TBC1D5: variants seen among roughly 807,000 people sequenced by gnomAD.
The protein encoded by TBC1D5 is TBC1 domain family member 5, also known as TBC1 domain family, member 5.
Under a neutral mutation model 100.3 loss-of-function variants are expected in TBC1D5, and 75 were observed. The observed-to-expected ratio is 0.75, with a 90% CI of 0.62 to 0.91. The LOEUF is 0.91. Among genes scored for constraint, TBC1D5 ranks in the 40% least tolerant of loss-of-function variants. TBC1D5 has a pLI of 0.00. For missense variants in TBC1D5, 910 were observed against 942.4 expected, an observed-to-expected ratio of 0.97 and a Z score of 0.45; for synonymous variants, 323 against 325.6, an observed-to-expected ratio of 0.99 and a Z score of 0.09.
chr3:17,295,901 T>C (rs751766341), intron 14 of TBC1D5, among the ~76,000 whole-genome samples: 5 of 152,146 alleles, frequency 3.3e-5, no homozygotes, highest in Non-Finnish European at 5.9e-5. Context: ...AGCATTATCA[T>C]TGACTCTCTA....
intron 1 of TBC1D5, among the ~76,000 whole-genome samples, chr3:17,635,462 CGT>C: frequency 6.6e-6 from 1 of 152,130 alleles, no homozygotes; most frequent in African/African-American, 2.4e-5. Context: ...AGGTGGATCA[CGT>C]GAGGTCAGGG....
chr3:17,196,654 C>T lies in TBC1D5; in HGVS notation c.1753-11446G>A, dbSNP rs560177153. Among the ~76,000 whole-genome samples, 13 of 152,238 alleles carry T rather than the reference C, an allele frequency of 8.5e-5. No individual in the cohort carries two copies. The South Asian group carries it at 2.7e-3, about 32-fold the overall frequency. ...ACATACACGATGCACACGTTGGTGTCGTGAAATACTTTGGGTATATGTTGA... is the reference window on the plus strand; with the variant it reads ...ACATACACGATGCACACGTTGGTGTTGTGAAATACTTTGGGTATATGTTGA... On this transcript the variant is annotated intron_variant, in intron 18 of 21. Coordinates refer to ENST00000253692, the Ensembl canonical transcript of TBC1D5.
intron 1 of TBC1D5, among the ~76,000 whole-genome samples, chr3:17,717,808 C>T (rs1455302007): frequency 6.6e-6 from 1 of 152,160 alleles, no homozygotes; most frequent in Non-Finnish European, 1.5e-5. Context: ...CAAACCCATA[C>T]ACATACACAT....
chr3:17,528,505 A>G (rs1310466088), intron 2 of TBC1D5, among the ~76,000 whole-genome samples: 1 of 152,158 alleles, frequency 6.6e-6, no homozygotes, highest in Non-Finnish European at 1.5e-5. Context: ...ATTGTGAAAA[A>G]TAAATCTCTG....
At chr3:17,312,979 G>T (rs2084224925) in intron 13 of TBC1D5, among the ~76,000 whole-genome samples, 1 of 152,074 alleles carries the variant, frequency 6.6e-6, no homozygotes, top group Admixed American at 6.6e-5. Flanking sequence ...ATGTATGCCT[G>T]CTATTTGGCT....
chr3:17,265,282 G>T (rs908901985), intron 15 of TBC1D5, among the ~76,000 whole-genome samples: 1 of 151,906 alleles, frequency 6.6e-6, no homozygotes, highest in African/African-American at 2.4e-5. Context: ...TTGTTTAACA[G>T]GAAAAAATAT....
At chr3:17,653,441 A>C (rs2065773047) in intron 1 of TBC1D5, among the ~76,000 whole-genome samples, 1 of 151,852 alleles carries the variant, frequency 6.6e-6, no homozygotes, top group East Asian at 1.9e-4. Flanking sequence ...GTATAACCTC[A>C]GTCTGATCAT....
At chr3:17,603,927 G>A (rs2061168414) in intron 2 of TBC1D5, among the ~76,000 whole-genome samples, 1 of 152,114 alleles carries the variant, frequency 6.6e-6, no homozygotes, top group South Asian at 2.1e-4. Context: ...TTACAGGCGT[G>A]AGCCACCACG....
At chr3:17,604,828 C>G (rs1476586378) in intron 2 of TBC1D5, among the ~76,000 whole-genome samples, 1 of 152,124 alleles carries the variant, frequency 6.6e-6, no homozygotes, top group East Asian at 1.9e-4. Context: ...GTGCATACCA[C>G]CACACCCAGG....
chr3:17,656,367 T>C (rs1468635003), intron 1 of TBC1D5, among the ~76,000 whole-genome samples: 1 of 152,200 alleles, frequency 6.6e-6, no homozygotes, highest in Non-Finnish European at 1.5e-5. Context: ...AAACCTCCCT[T>C]CTGCCTTAGT....
At chr3:17,481,455 C>T (rs988548945) in intron 3 of TBC1D5, among the ~76,000 whole-genome samples, 1 of 152,174 alleles carries the variant, frequency 6.6e-6, no homozygotes, top group Non-Finnish European at 1.5e-5. Flanking sequence ...AGCAACACCC[C>T]AAGTAGCCCA....
chr3:17,466,467 G>A (rs990651299), intron 3 of TBC1D5, among the ~76,000 whole-genome samples: 1 of 152,222 alleles, frequency 6.6e-6, no homozygotes, highest in Non-Finnish European at 1.5e-5. Context: ...CAATGTGTAA[G>A]AAGACACATC....
chr3:17,310,163 T>C (rs1329133967), intron 13 of TBC1D5, among the ~76,000 whole-genome samples: 3 of 152,122 alleles, frequency 2.0e-5, no homozygotes, highest in Non-Finnish European at 2.9e-5. Flanking sequence ...TGCCCAGTTA[T>C]TCCTCAAACT....
chr3:17,319,723 A>C (rs2085151955), intron 13 of TBC1D5, among the ~76,000 whole-genome samples: 1 of 152,158 alleles, frequency 6.6e-6, no homozygotes, highest in Non-Finnish European at 1.5e-5. Context: ...ACAAAAAATT[A>C]GCCGGGTGGG....
In TBC1D5 at chr3:17,722,012, A is replaced by C. The variant is rs141869948; in HGVS notation, c.-101+17331T>G. On this transcript the variant is annotated intron_variant, in intron 1 of 21. Coordinates refer to ENST00000253692, the Ensembl canonical transcript of TBC1D5. Reference sequence around the variant, plus strand: ...ATTAATTAATTAACTACTACTAATAATAATAATAATGTGAAGTTGCCTGAC... The same window carrying C: ...ATTAATTAATTAACTACTACTAATACTAATAATAATGTGAAGTTGCCTGAC... Among the ~76,000 whole-genome samples the C allele has an allele frequency of 7.0e-3, 1,059 of 152,234 alleles. 5 individuals are homozygous for C. Among genetic ancestry groups the C allele is most frequent in the South Asian group, 0.019 (94 of 4,822 alleles).
At chr3:17,342,697 T>G (rs964172843) in intron 13 of TBC1D5, among the ~76,000 whole-genome samples, 15 of 152,180 alleles carry the variant, frequency 9.9e-5, no homozygotes, top group Admixed American at 9.8e-4. Flanking sequence ...CTAATCTCAT[T>G]GCCCAGAAAT....
chr3:17,401,267 T>G, intron 8 of TBC1D5, among the ~76,000 whole-genome samples: 1 of 148,500 alleles, frequency 6.7e-6, no homozygotes, highest in Non-Finnish European at 1.5e-5. Context: ...CATATATATG[T>G]ATGTGTATAA....
At chr3:17,532,537 G>A (rs1035053498) in intron 2 of TBC1D5, among the ~76,000 whole-genome samples, 20 of 152,088 alleles carry the variant, frequency 1.3e-4, no homozygotes, top group Non-Finnish European at 2.8e-4. Context: ...ACATGCACAC[G>A]TATGTTTATT....
chr3:17,437,599 G>A (rs899938280), intron 3 of TBC1D5, among the ~76,000 whole-genome samples: 2 of 139,540 alleles, frequency 1.4e-5, no homozygotes, highest in Non-Finnish European at 3.1e-5. Flanking sequence ...GATGGAAAGA[G>A]GGGAGAGAGA....
Sources: allele counts gnomAD v4.1 joint callset (sites outside exome capture counted in the v4.1 genomes callset), GRCh38; gene constraint gnomAD v4.1.1; transcripts MANE v1.5; gene names NCBI Gene and HGNC (gene_info 2026-07-23, HGNC 2026-07-21).